The following TDRD1 variants were observed in gnomAD, a reference collection of about 807,000 sequenced individuals.
TDRD1 encodes the protein tudor domain-containing protein 1.
TDRD1 carries 37 observed loss-of-function variants against 140.6 expected under a neutral mutation model. That is an observed-to-expected ratio of 0.26 (90% CI 0.20 to 0.35). The LOEUF (loss-of-function observed/expected upper bound fraction) is 0.35. TDRD1 is among the 10% of genes least tolerant of loss of function. TDRD1 has a pLI of 1.00. For synonymous variants in TDRD1, 506 were observed against 475.7 expected (o/e 1.06, Z -0.83); for missense variants, 1,243 against 1,393.0 (o/e 0.89, Z 1.71).
upstream of TDRD1, among the ~76,000 whole-genome samples, chr10:114,175,863 T>C (rs2119821380): frequency 6.6e-6 from 1 of 152,252 alleles, no homozygotes; most frequent in Non-Finnish European, 1.5e-5. Context: ...ATTGACCCTC[T>C]TGGAAAGATG....
chr10:114,231,469 T>C (rs1230987574), intron 25 of TDRD1: 7 of 1,139,452 alleles, frequency 6.1e-6, no homozygotes, highest in Non-Finnish European at 8.4e-6. Flanking sequence ...TGATAGTTGA[T>C]TTTTTTTCTT....
intron 11 of TDRD1, among the ~76,000 whole-genome samples, chr10:114,209,988 C>T (rs1360359436): frequency 1.3e-5 from 2 of 152,122 alleles, no homozygotes; most frequent in Non-Finnish European, 2.9e-5. Flanking sequence ...AAACCATGTA[C>T]TTTTTTCATT....
chr10:114,201,438 G>C, exon 5 of TDRD1: 1 of 1,614,032 alleles, frequency 6.2e-7, no homozygotes, highest in South Asian at 1.1e-5. Flanking sequence ...AGTGCAAGCA[G>C]ACCTACTATT....
At chr10:114,211,915 A>G in exon 14 of TDRD1, 1 of 1,606,508 alleles carries the variant, frequency 6.2e-7, no homozygotes, top group Non-Finnish European at 8.5e-7. Flanking sequence ...CTTCTGAAGA[A>G]TCTGTACTGG....
At chr10:114,178,453 G>A (rs112553477), upstream of TDRD1, among the ~76,000 whole-genome samples, 285 of 152,288 alleles carry the variant, frequency 1.9e-3, 4 homozygotes, top group African/African-American at 6.5e-3. Context: ...AGTAAGTCTA[G>A]GCATCATCAT....
intron 3 of TDRD1, among the ~76,000 whole-genome samples, chr10:114,195,051 T>C (rs1033726014): frequency 6.6e-6 from 1 of 152,012 alleles, no homozygotes; most frequent in African/African-American, 2.4e-5. Context: ...TGAGTTGCCC[T>C]GCCCAGCCTC....
chr10:114,230,126 C>T (rs1166686559), intron 25 of TDRD1, among the ~76,000 whole-genome samples: 2 of 152,212 alleles, frequency 1.3e-5, no homozygotes, highest in Admixed American at 6.5e-5. Flanking sequence ...CCACTGCGCC[C>T]GGCCACCAAG....
chr10:114,218,675 G>T, intron 18 of TDRD1, 91 bp downstream of exon 18: 3 of 904,332 alleles, frequency 3.3e-6, no homozygotes, highest in Non-Finnish European at 4.8e-6. Flanking sequence ...CATTTCGTGT[G>T]AGTTAGAGGA....
chr10:114,175,184 T>G (rs1019255989), upstream of TDRD1, among the ~76,000 whole-genome samples: 36 of 152,170 alleles, frequency 2.4e-4, no homozygotes, highest in African/African-American at 8.4e-4. Context: ...AATAAATGAT[T>G]TGACTTTAAA....
chr10:114,228,778 G>A (rs73357593), intron 25 of TDRD1: 55,140 of 985,196 alleles, frequency 0.056, 1,633 homozygotes, highest in Middle Eastern at 0.12. Flanking sequence ...TTTTGATTAA[G>A]AGCCAATTAG....
intron 1 of TDRD1, among the ~76,000 whole-genome samples, chr10:114,185,058 T>G (rs2033407233): frequency 6.6e-6 from 1 of 152,242 alleles, no homozygotes; most frequent in African/African-American, 2.4e-5. Context: ...TTCTGAGTAG[T>G]AGTTGTCTAA....
intron 11 of TDRD1, among the ~76,000 whole-genome samples, chr10:114,207,229 G>A (rs2035182146): frequency 6.6e-6 from 1 of 152,182 alleles, no homozygotes; most frequent in Non-Finnish European, 1.5e-5. Flanking sequence ...TTCATCCAGA[G>A]GTGATTGCTA....
chr10:114,202,227 C>T lies in TDRD1; in HGVS notation c.636-11C>T. ...GTAGTATAAATATTGTAATCTGTTGCTTTATTGCAGTTTCCACAAACTTGA... is the reference window on the plus strand; with the variant it reads ...GTAGTATAAATATTGTAATCTGTTGTTTTATTGCAGTTTCCACAAACTTGA... On this transcript the variant is annotated splice_polypyrimidine_tract_variant and intron_variant, in intron 5 of 25. Transcript: ENST00000251864. 6.3e-7 allele frequency: 1 copy of T among 1,596,670 alleles called. No individual in the cohort carries two copies. The highest frequency in any genetic ancestry group is 8.5e-7 in the Non-Finnish European group (1 of 1,170,802).
At chr10:114,192,225 A>G (rs761623137) in intron 3 of TDRD1, among the ~76,000 whole-genome samples, 3 of 150,536 alleles carry the variant, frequency 2.0e-5, no homozygotes, top group African/African-American at 4.9e-5. Flanking sequence ...TGTCAACTTT[A>G]AAACTGTTTG....
chr10:114,201,443 A>G (rs1323263704), exon 5 of TDRD1: 1 of 1,613,956 alleles, frequency 6.2e-7, no homozygotes, highest in Non-Finnish European at 8.5e-7. Context: ...AAGCAGACCT[A>G]CTATTGCTCC....
intron 8 of TDRD1, 37 bp downstream of exon 8, chr10:114,203,604 A>G: frequency 6.4e-7 from 1 of 1,559,190 alleles, no homozygotes; most frequent in Non-Finnish European, 8.7e-7. Context: ...AAAACGTTTG[A>G]GCTAACTTTG....
chr10:114,192,187 T>C (rs1169226666), intron 3 of TDRD1, among the ~76,000 whole-genome samples: 9 of 151,950 alleles, frequency 5.9e-5, no homozygotes, highest in African/African-American at 2.2e-4. Context: ...TCAGTTTTTC[T>C]TTAATGGATT....
intron 2 of TDRD1, among the ~76,000 whole-genome samples, chr10:114,189,249 A>G (rs997109985): frequency 1.3e-5 from 2 of 152,178 alleles, no homozygotes; most frequent in African/African-American, 2.4e-5. Context: ...TATTTTTAGT[A>G]TTTGTGTAAT....
chr10:114,212,459 A>G (rs920800832), intron 14 of TDRD1, among the ~76,000 whole-genome samples: 5 of 152,230 alleles, frequency 3.3e-5, no homozygotes, highest in Non-Finnish European at 7.3e-5. Context: ...TGCCCAACGA[A>G]AAAGTATGAG....
Sources: gnomAD v4.1 joint callset for allele counts (sites outside exome capture counted in the v4.1 genomes callset) on GRCh38, gnomAD v4.1.1 for gene constraint, MANE v1.5 for transcripts, NCBI Gene and HGNC (gene_info 2026-07-23, HGNC 2026-07-21) for gene names.